The following NXPE2 variants were observed in gnomAD, a reference collection of about 807,000 sequenced individuals.
NXPE2 encodes NXPE family member 2.
In NXPE2, 34 loss-of-function variants were observed where a neutral mutation model predicts 34.4. That is an observed-to-expected ratio of 0.99 (90% confidence interval 0.75 to 1.31). The LOEUF (loss-of-function observed/expected upper bound fraction) is 1.31. Among genes scored for constraint, NXPE2 ranks in the 40% most tolerant of loss-of-function variants. The probability of loss-of-function intolerance (pLI) is 0.00; values close to 1 mark genes in which losing one functional copy is unlikely to be tolerated. For synonymous variants in NXPE2, 235 were observed against 231.3 expected (o/e 1.02, Z -0.15); for missense variants, 649 against 672.5 (o/e 0.97, Z 0.39).
At chr11:114,678,471 G>T, upstream of NXPE2, 1 of 866,344 alleles carries the variant, frequency 1.2e-6, no homozygotes. Context: ...GTCAGCTTTT[G>T]ATCAATGAAG....
At chr11:114,613,967 A>T in the NXPE2 span, among the ~76,000 whole-genome samples, 1 of 151,076 alleles carries the variant, frequency 6.6e-6, no homozygotes, top group South Asian at 2.1e-4. Flanking sequence ...TTACCGGTGG[A>T]TAATAAGTAT....
chr11:114,470,028 A>T, the NXPE2 span, among the ~76,000 whole-genome samples: 1 of 152,178 alleles, frequency 6.6e-6, no homozygotes, highest in Non-Finnish European at 1.5e-5. Context: ...TCAACAGTTC[A>T]TTCCTTTTTA....
chr11:114,691,541 CA>C (rs535595923), intron 2 of NXPE2, among the ~76,000 whole-genome samples: 110 of 151,922 alleles, frequency 7.2e-4, no homozygotes, highest in African/African-American at 2.6e-3. Context: ...TCTCCCAGCA[CA>C]CATTTACCTT....
chr11:114,554,001 C>A, the NXPE2 span: 2 of 985,422 alleles, frequency 2.0e-6, no homozygotes. Flanking sequence ...TGTCCAATTG[C>A]AATGTTTTTT....
chr11:114,569,981 C>T, the NXPE2 span, among the ~76,000 whole-genome samples: 1 of 152,142 alleles, frequency 6.6e-6, no homozygotes. Flanking sequence ...TCCTACATGG[C>T]TGCAGGGTCA....
At chr11:114,489,706 C>G in the NXPE2 span, among the ~76,000 whole-genome samples, 2 of 152,180 alleles carry the variant, frequency 1.3e-5, no homozygotes, top group African/African-American at 4.8e-5. Flanking sequence ...TGGGACATAT[C>G]TCAAAATAAT....
chr11:114,701,544 C>T (rs189089777), intron 3 of NXPE2, among the ~76,000 whole-genome samples: 1 of 152,234 alleles, frequency 6.6e-6, no homozygotes, highest in Non-Finnish European at 1.5e-5. Context: ...GTTTTTTTCT[C>T]CTACTGCATG....
At chr11:114,749,472 A>G in the NXPE2 span, among the ~76,000 whole-genome samples, 1 of 152,148 alleles carries the variant, frequency 6.6e-6, no homozygotes, top group Admixed American at 6.5e-5. Context: ...GATTCAAGCA[A>G]TTTTGGATGG....
At chr11:114,515,407 T>A in the NXPE2 span, among the ~76,000 whole-genome samples, 1 of 152,190 alleles carries the variant, frequency 6.6e-6, no homozygotes, top group Non-Finnish European at 1.5e-5. Flanking sequence ...GATGAAACTA[T>A]CCAAGAAACA....
chr11:114,719,793 C>T, the NXPE2 span, among the ~76,000 whole-genome samples: 1 of 152,206 alleles, frequency 6.6e-6, no homozygotes, highest in South Asian at 2.1e-4. Flanking sequence ...TGAGTGGGCC[C>T]TGAGCGGGTA....
chr11:114,600,724 C>A, the NXPE2 span, among the ~76,000 whole-genome samples: 1 of 151,996 alleles, frequency 6.6e-6, no homozygotes, highest in Non-Finnish European at 1.5e-5. Context: ...CAAAAAAAGT[C>A]TGTAATTTCA....
At chr11:114,801,712 G>T in the NXPE2 span, among the ~76,000 whole-genome samples, 4 of 152,192 alleles carry the variant, frequency 2.6e-5, no homozygotes, top group Admixed American at 2.6e-4. Context: ...TATTTTAGAG[G>T]AAAAACCAGC....
intron 2 of NXPE2, among the ~76,000 whole-genome samples, chr11:114,696,030 AAAG>A (rs903645155): frequency 1.8e-4 from 28 of 151,558 alleles, no homozygotes; most frequent in South Asian, 4.2e-4. Context: ...TTAAGAAAAA[AAAG>A]AAGAAGAAGA....
At chr11:114,703,895 C>A in intron 3 of NXPE2, 96 bp from the exon 4 acceptor site, 1 of 843,176 alleles carries the variant, frequency 1.2e-6, no homozygotes, top group Admixed American at 2.1e-5. Context: ...GGGGGAAAGG[C>A]ATTTGGAGAA....
chr11:114,727,904 C>T, the NXPE2 span, among the ~76,000 whole-genome samples: 1 of 151,712 alleles, frequency 6.6e-6, no homozygotes, highest in Non-Finnish European at 1.5e-5. Flanking sequence ...AAATTAATGG[C>T]TCAGTTAACA....
chr11:114,772,089 G>T, the NXPE2 span, among the ~76,000 whole-genome samples: 2 of 152,188 alleles, frequency 1.3e-5, no homozygotes, highest in South Asian at 2.1e-4. Flanking sequence ...CGGACGCTTT[G>T]TGTGGCTTTT....
At chr11:114,630,286 C>G in the NXPE2 span, among the ~76,000 whole-genome samples, 1 of 151,788 alleles carries the variant, frequency 6.6e-6, no homozygotes, top group African/African-American at 2.4e-5. Context: ...TAAAAGGCTA[C>G]AGTAACCAAA....
chr11:114,755,074 C>T, the NXPE2 span, among the ~76,000 whole-genome samples: 1 of 152,126 alleles, frequency 6.6e-6, no homozygotes, highest in Non-Finnish European at 1.5e-5. Flanking sequence ...ATGAGCCTGA[C>T]TGAAGGGTTC....
the NXPE2 span, among the ~76,000 whole-genome samples, chr11:114,600,128 T>C: frequency 1.3e-5 from 2 of 152,120 alleles, no homozygotes; most frequent in Admixed American, 1.3e-4. Flanking sequence ...TGAGGAAAAG[T>C]TTGAAGAAAA....
Sources: gnomAD v4.1 joint callset for allele counts (sites outside exome capture counted in the v4.1 genomes callset) on GRCh38, gnomAD v4.1.1 for gene constraint, MANE v1.5 for transcripts, NCBI Gene and HGNC (gene_info 2026-07-23, HGNC 2026-07-21) for gene names.